The following COCH variants were observed in gnomAD, a reference collection of about 807,000 sequenced individuals.
COCH encodes cochlin.
Under a neutral mutation model 54.8 loss-of-function variants are expected in COCH, and 40 were observed. That is an observed-to-expected ratio of 0.73 (90% confidence interval 0.57 to 0.95). The LOEUF (loss-of-function observed/expected upper bound fraction) is 0.95, where lower values mean the gene tolerates loss of function less well. Among genes scored for constraint, COCH ranks in the 40% least tolerant of loss-of-function variants. The probability of loss-of-function intolerance (pLI) is 0.00; values close to 1 mark genes in which losing one functional copy is unlikely to be tolerated. For missense variants in COCH, 605 were observed against 675.0 expected (o/e 0.90, Z 1.15); for synonymous variants, 256 against 237.9 (o/e 1.08, Z -0.70).
chr14:30,876,087 T>A (rs1221057849), intron 3 of COCH: 1 of 152,198 alleles, frequency 6.6e-6, no homozygotes, highest in African/African-American at 2.4e-5. Context: ...GGTACTCAGT[T>A]GGACAGTATG....
intron 1 of COCH, 119 bp downstream of exon 1, chr14:30,874,710 G>C: frequency 1.6e-6 from 1 of 607,790 alleles, no homozygotes. Context: ...CCCGCGGTGC[G>C]GGGTTGCACA....
chr14:30,878,824 A>C lies in COCH; in HGVS notation c.253A>C (p.Asn85His). Reference sequence around the variant, plus strand: ...CTTGTGTTACAGGGGAGTAATCAGCAACTCAGGGGGACCTGTACGAGTCTA... The same window carrying C: ...CTTGTGTTACAGGGGAGTAATCAGCCACTCAGGGGGACCTGTACGAGTCTA... ...GAAVHRGVIS[N>H]SGGPVRVYSL... is the part of the protein sequence containing the mutation. The change falls in exon 5 of 12, where the codon AAC (asparagine) becomes CAC (histidine). Residue 85 changes from asparagine to histidine, a missense_variant. Coordinates refer to ENST00000396618, the MANE Select transcript of COCH (RefSeq NM_004086.3). 6.2e-7 allele frequency: 1 copy of C among 1,614,162 alleles called. No homozygotes were observed. Among genetic ancestry groups the C allele is most frequent in the Non-Finnish European group, 8.5e-7 (1 of 1,180,032 alleles).
At chr14:30,879,398 A>C (rs754845721) in intron 5 of COCH, 25 bp from the exon 6 acceptor site, 1 of 1,612,602 alleles carries the variant, frequency 6.2e-7, no homozygotes, top group South Asian at 1.1e-5. Context: ...AAAGGAAAAA[A>C]ATAAGCTTAT....
At chr14:30,891,334 C>A (rs1454667141), downstream of COCH, among the ~76,000 whole-genome samples, 1 of 152,072 alleles carries the variant, frequency 6.6e-6, no homozygotes, top group Non-Finnish European at 1.5e-5. Context: ...AAAGATAGGT[C>A]CTATCTCCTC....
intron 5 of COCH, 111 bp from the exon 6 acceptor site, chr14:30,879,312 C>T: frequency 9.1e-7 from 1 of 1,093,678 alleles, no homozygotes; most frequent in Non-Finnish European, 1.4e-6. Flanking sequence ...TTTGTAACTA[C>T]AATCACCATT....
At chr14:30,874,781 G>C (rs1384215997) in intron 1 of COCH, 135 bp from the exon 2 acceptor site, 2 of 811,572 alleles carry the variant, frequency 2.5e-6, no homozygotes, top group Non-Finnish European at 2.1e-6. Flanking sequence ...AGGGGCGCTG[G>C]CCTGGAGCAG....
At chr14:30,880,763 A>T (rs530723565) in intron 8 of COCH, 29 bp downstream of exon 8, 87 of 1,239,324 alleles carry the variant, frequency 7.0e-5, no homozygotes, top group Admixed American at 4.3e-4. Context: ...TGGGAGATTT[A>T]AAAAAAAAAT....
In COCH at chr14:30,877,841, G is replaced by C; in HGVS notation, c.239+113G>C. 9 of 1,543,370 alleles carry C rather than the reference G, an allele frequency of 5.8e-6. No individual in the cohort carries two copies. Among genetic ancestry groups the C allele is most frequent in the Non-Finnish European group, 7.9e-6 (9 of 1,139,376 alleles). The stretch of plus-strand genomic sequence containing the variant: ...GCATTCTTTCTTTTGTTGCCATTGT[G>C]GCCACAGAAAATGGATATATTTTCA... On this transcript the variant is annotated intron_variant, in intron 4 of 11. Coordinates refer to ENST00000396618, the MANE Select transcript of COCH (RefSeq NM_004086.3). This position sits in a 1 kb window ranked among gnomAD's most constrained non-coding sequence, Gnocchi z 8.6.
At position 30,878,948 on chromosome 14, in the gene COCH, G is replaced by A. The variant is rs376255896; in HGVS notation, c.373+4G>A. 1.9e-4 allele frequency: 299 copies of A among 1,613,652 alleles called. No individual in the cohort carries two copies. Among genetic ancestry groups the A allele is most frequent in the Non-Finnish European group, 2.4e-4 (278 of 1,179,980 alleles). On this transcript the variant is annotated splice_donor_region_variant and intron_variant, in intron 5 of 11. Coordinates refer to ENST00000396618, the MANE Select transcript of COCH (RefSeq NM_004086.3). ...TCTGCTTCTTTCACAGTAACTAGTA[G>A]GTATAATTATTGTTCTCATTCTGTA...
intron 6 of COCH, 24 bp from the exon 7 acceptor site, chr14:30,880,428 T>C: frequency 6.2e-7 from 1 of 1,613,144 alleles, no homozygotes; most frequent in South Asian, 1.1e-5. Flanking sequence ...CTTTTGTTAA[T>C]GCCAAGTGCA....
In COCH at chr14:30,877,517, A is replaced by G. The variant is rs556449902; in HGVS notation, c.83-55A>G. 101 of 1,604,284 alleles carry G rather than the reference A, an allele frequency of 6.3e-5. No homozygotes were observed. In the African/African-American group the frequency reaches 1.2e-3, roughly 20 times the overall value. The stretch of plus-strand genomic sequence containing the variant: ...AATCTCACACTGTAGTCTCCCCACC[A>G]CTATGCCCCAAGAAGTCCTAAGAAT... On this transcript the variant is annotated intron_variant, in intron 3 of 11. Coordinates refer to ENST00000396618, the MANE Select transcript of COCH (RefSeq NM_004086.3). This position sits in a 1 kb window ranked among gnomAD's most constrained non-coding sequence, Gnocchi z 8.6.
downstream of COCH, among the ~76,000 whole-genome samples, chr14:30,892,243 GAACAA>G (rs1215885900): frequency 6.6e-6 from 1 of 152,026 alleles, no homozygotes; most frequent in African/African-American, 2.4e-5. Context: ...AAAGGAGATA[GAACAA>G]AATAAACATA....
intron 8 of COCH, among the ~76,000 whole-genome samples, chr14:30,881,576 C>T (rs530211579): frequency 6.6e-6 from 1 of 152,302 alleles, no homozygotes; most frequent in African/African-American, 2.4e-5. Flanking sequence ...ATTCCACCTC[C>T]CTATTCTGTT....
intron 3 of COCH, chr14:30,875,572 CGCTA>C (rs1046523916): frequency 1.1e-5 from 5 of 464,324 alleles, no homozygotes; most frequent in African/African-American, 6.0e-5. Flanking sequence ...TTGTTTGACT[CGCTA>C]GCTATGTTTC....
At position 30,886,313 on chromosome 14, in the gene COCH, G is replaced by A; in HGVS notation, c.1477+1G>A. 1 of 1,614,072 alleles carries A rather than the reference G, an allele frequency of 6.2e-7. No individual in the cohort carries two copies. The highest frequency in any genetic ancestry group is 8.5e-7 in the Non-Finnish European group (1 of 1,179,990). On this transcript the variant is annotated splice_donor_variant, in intron 11 of 11. Transcript: ENST00000396618. LOFTEE classifies it high-confidence loss of function. ...CCTGCAGCTGCTGCACATGATGCAGGTAAGGTCCTTGTTCTTTATAGGAGA... is the reference window on the plus strand; with the variant it reads ...CCTGCAGCTGCTGCACATGATGCAGATAAGGTCCTTGTTCTTTATAGGAGA...
At chr14:30,882,512 TC>T (rs200080665) in intron 8 of COCH, among the ~76,000 whole-genome samples, 7,826 of 152,240 alleles carry the variant, frequency 0.051, 387 homozygotes, top group East Asian at 0.26. Context: ...CCTGTTTTTT[TC>T]ATCCTTTAGT....
downstream of COCH, chr14:30,894,908 T>TTTA: frequency 9.5e-7 from 1 of 1,054,570 alleles, no homozygotes. Flanking sequence ...TTTTTTTTTT[T>TTTA]AAAGCAAAAT....
intron 1 of COCH, 127 bp downstream of exon 1, chr14:30,874,718 A>G: frequency 1.6e-6 from 1 of 622,198 alleles, no homozygotes; most frequent in East Asian, 2.7e-5. Flanking sequence ...GCGGGGTTGC[A>G]CACCGATCCT....
intron 9 of COCH, 157 bp downstream of exon 9, chr14:30,884,813 T>TCAATTTATAATGGAAGTATA (rs1489328732): frequency 5.1e-6 from 7 of 1,370,654 alleles, no homozygotes; most frequent in Non-Finnish European, 6.9e-6. Flanking sequence ...AGATAAATTT[T>TCAATTTATAATGGAAGTATA]CAATTTATAA....
Sources: allele counts gnomAD v4.1 joint callset (sites outside exome capture counted in the v4.1 genomes callset), GRCh38; gene constraint gnomAD v4.1.1; non-coding constraint Gnocchi (gnomAD v3.1); transcripts MANE v1.5; gene names NCBI Gene and HGNC (gene_info 2026-07-23, HGNC 2026-07-21).